The following HOTAIR variants were observed in gnomAD, a reference collection of about 807,000 sequenced individuals.
HOTAIR encodes the protein HOX transcript antisense RNA (non-protein coding).
chr12:53,966,837 G>A (rs2136371707), intron 3 of HOTAIR, among the ~76,000 whole-genome samples: 1 of 152,278 alleles, frequency 6.6e-6, no homozygotes, highest in African/African-American at 2.4e-5. Context: ...GGCCCGGCGA[G>A]ACCGAAAGAG....
At chr12:53,964,301 G>T (rs1401144659) in intron 5 of HOTAIR, 2 of 152,048 alleles carry the variant, frequency 1.3e-5, no homozygotes, top group African/African-American at 2.4e-5. Context: ...GAGAGATATT[G>T]ATATTAAAGG....
Position 53,973,866 on chromosome 12 carries a change from A to T in HOTAIR, n.59+1032T>A. The T allele has an allele frequency of 6.8e-7, 1 of 1,469,220 alleles. No homozygotes were observed. The highest frequency in any genetic ancestry group is 9.0e-7 in the Non-Finnish European group (1 of 1,113,012). The allele number at this position is 1,469,220 out of a possible 1,614,324, so 91.0% of individuals were successfully genotyped here. A position where few individuals can be genotyped will look rare whatever the true frequency, so the allele number is the denominator to read the frequency against. ...GGCTGAGGAGGAGAACACAAATCCC[A>T]GCTCGTCCGGTTCAGCCCACTCCGT... On this transcript the variant is annotated intron_variant and non_coding_transcript_variant, in intron 1 of 6. Coordinates refer to ENST00000424518, the Ensembl canonical transcript of HOTAIR. This position sits in a 1 kb window ranked among gnomAD's most constrained non-coding sequence, Gnocchi z 4.3.
chr12:53,973,421 C>T lies in HOTAIR; in HGVS notation n.59+1477G>A. 4 of 1,614,242 alleles carry T rather than the reference C, an allele frequency of 2.5e-6. No individual in the cohort carries two copies. The highest frequency in any genetic ancestry group is 3.4e-6 in the Non-Finnish European group (4 of 1,180,046). On this transcript the variant is annotated intron_variant and non_coding_transcript_variant, in intron 1 of 6. Coordinates refer to ENST00000424518, the Ensembl canonical transcript of HOTAIR. This position sits in a 1 kb window ranked among gnomAD's most constrained non-coding sequence, Gnocchi z 4.3. ...CCCAGGCCCCCTCTCGTCAGATCTC[C>T]TATCCCTACTCGGCCCAAGTGCCCC...
chr12:53,969,432 C>T (rs1410886765), intron 1 of HOTAIR, among the ~76,000 whole-genome samples: 1 of 152,176 alleles, frequency 6.6e-6, no homozygotes, highest in African/African-American at 2.4e-5. Context: ...GAGCAGCGTC[C>T]ACCAGCTTAG....
chr12:53,974,746 C>A (rs1939223383), intron 1 of HOTAIR, among the ~76,000 whole-genome samples: 1 of 151,988 alleles, frequency 6.6e-6, no homozygotes, highest in East Asian at 2.0e-4. Flanking sequence ...CGACTGCTCT[C>A]GCCAGATTTC....
intron 1 of HOTAIR, among the ~76,000 whole-genome samples, chr12:53,970,546 C>A (rs1939132656): frequency 6.6e-6 from 1 of 151,966 alleles, no homozygotes; most frequent in Non-Finnish European, 1.5e-5. Context: ...AAAAACTAAG[C>A]CATATCAACA....
rs1939190378 is a variant in HOTAIR, at chr12:53,973,672, A to G, written n.59+1226T>C. On this transcript the variant is annotated intron_variant and non_coding_transcript_variant, in intron 1 of 6. Coordinates refer to ENST00000424518, the Ensembl canonical transcript of HOTAIR. This position sits in a 1 kb window ranked among gnomAD's most constrained non-coding sequence, Gnocchi z 4.3. The stretch of plus-strand genomic sequence containing the variant: ...GGCTTCTACTCCTCAGTCAACAAGA[A>G]CAGCGTCCTGCCTCAAGCCTTCGAC... 1.2e-6 allele frequency: 2 copies of G among 1,613,482 alleles called. No homozygotes were observed. Among genetic ancestry groups the G allele is most frequent in the South Asian group, 1.1e-5 (1 of 91,070 alleles).
At chr12:53,970,138 C>A (rs1939124637) in intron 1 of HOTAIR, among the ~76,000 whole-genome samples, 1 of 152,244 alleles carries the variant, frequency 6.6e-6, no homozygotes, top group Admixed American at 6.5e-5. Flanking sequence ...ACTGAGGACA[C>A]CAAGAGCCAG....
At chr12:53,972,684 T>A (rs931714644) in intron 1 of HOTAIR, among the ~76,000 whole-genome samples, 2 of 152,300 alleles carry the variant, frequency 1.3e-5, no homozygotes, top group African/African-American at 4.8e-5. Context: ...TAAGAGTCCC[T>A]GAGATTTAAG....
intron 1 of HOTAIR, among the ~76,000 whole-genome samples, chr12:53,972,298 T>C (rs559183809): frequency 6.6e-6 from 1 of 152,228 alleles, no homozygotes; most frequent in Non-Finnish European, 1.5e-5. Flanking sequence ...TGGATGTAGC[T>C]TTCTTCACAT....
intron 1 of HOTAIR, among the ~76,000 whole-genome samples, chr12:53,972,820 A>G (rs990890924): frequency 6.6e-5 from 10 of 151,856 alleles, no homozygotes; most frequent in Admixed American, 1.3e-4. Context: ...CCTTCCCCCA[A>G]TCCTGGGGGA....
At chr12:53,962,510 T>A (rs1203970931) in exon 7 of HOTAIR, 1 of 152,242 alleles carries the variant, frequency 6.6e-6, no homozygotes, top group African/African-American at 2.4e-5. Flanking sequence ...TTATTATATA[T>A]ACACAAAGTG....
rs375478114 is a variant in HOTAIR, at chr12:53,973,545, C to T, written n.59+1353G>A. 2.5e-6 allele frequency: 4 copies of T among 1,613,346 alleles called. No individual in the cohort carries two copies. In the African/African-American group the frequency reaches 4.0e-5, roughly 16 times the overall value. On this transcript the variant is annotated intron_variant and non_coding_transcript_variant, in intron 1 of 6. Coordinates refer to ENST00000424518, the Ensembl canonical transcript of HOTAIR. The surrounding 1 kb of genome is among the most constrained non-coding windows in gnomAD (Gnocchi z 4.3). ...TGCGGCGGCCGACGAGCTTATGCAC[C>T]GGGAGTGCCTGCCTCCTTCCACCGT...
At chr12:53,969,354 G>C (rs1191033731) in intron 1 of HOTAIR, among the ~76,000 whole-genome samples, 1 of 152,210 alleles carries the variant, frequency 6.6e-6, no homozygotes, top group Non-Finnish European at 1.5e-5. Flanking sequence ...GCTGGGTGGG[G>C]CCTGTGGGGG....
chr12:53,967,554 A>C (rs1391700893), intron 2 of HOTAIR, among the ~76,000 whole-genome samples: 1 of 152,258 alleles, frequency 6.6e-6, no homozygotes, highest in African/African-American at 2.4e-5. Context: ...ATGTTACAAA[A>C]TGCCTGGGCT....
intron 1 of HOTAIR, among the ~76,000 whole-genome samples, chr12:53,971,731 G>A (rs1939150570): frequency 6.6e-6 from 1 of 152,224 alleles, no homozygotes; most frequent in African/African-American, 2.4e-5. Flanking sequence ...AGCTCATGCT[G>A]GTTGCTTTTG....
chr12:53,971,582 G>A (rs1420315279), intron 1 of HOTAIR, among the ~76,000 whole-genome samples: 1 of 152,252 alleles, frequency 6.6e-6, no homozygotes, highest in Non-Finnish European at 1.5e-5. Flanking sequence ...TGAGGGTTAT[G>A]GATGTAAAGA....
At position 53,973,184 on chromosome 12, in the gene HOTAIR, C is replaced by A; in HGVS notation, n.59+1714G>T. 7.2e-7 allele frequency: 1 copy of A among 1,391,294 alleles called. No homozygotes were observed. Among genetic ancestry groups the A allele is most frequent in the Non-Finnish European group, 9.7e-7 (1 of 1,032,366 alleles). 86.2% of individuals were successfully genotyped at this position (1,391,294 alleles called of 1,614,324 possible). A position where few individuals can be genotyped will look rare whatever the true frequency, so the allele number is the denominator to read the frequency against. Reference sequence around the variant, plus strand: ...GCGTCATCTCGCCTTCCCAAATTTTCCCCCCTCGCTAGACCGGGTCCAAAA... The same window carrying A: ...GCGTCATCTCGCCTTCCCAAATTTTACCCCCTCGCTAGACCGGGTCCAAAA... On this transcript the variant is annotated intron_variant and non_coding_transcript_variant, in intron 1 of 6. Transcript: ENST00000424518. The surrounding 1 kb of genome is among the most constrained non-coding windows in gnomAD (Gnocchi z 4.3).
chr12:53,972,935 C>G (rs1057007880), intron 1 of HOTAIR, among the ~76,000 whole-genome samples: 2 of 147,420 alleles, frequency 1.4e-5, no homozygotes, highest in Admixed American at 6.7e-5. Context: ...CTCCTTTGCT[C>G]GTGCTGTGGT....
Sources: gnomAD v4.1 joint callset for allele counts (sites outside exome capture counted in the v4.1 genomes callset) on GRCh38, gnomAD v4.1.1 for gene constraint, Gnocchi (gnomAD v3.1) non-coding constraint, MANE v1.5 for transcripts, NCBI Gene and HGNC (gene_info 2026-07-23, HGNC 2026-07-21) for gene names.